The following GRB10 variants were observed in gnomAD, a reference collection of about 807,000 sequenced individuals.
GRB10 encodes the protein growth factor receptor bound protein 10, also known as growth factor receptor-bound protein 10.
In GRB10, 20 loss-of-function variants were observed where a neutral mutation model predicts 80.9. The observed-to-expected ratio is 0.25, with a 90% CI of 0.17 to 0.36. The LOEUF is 0.36. GRB10 is among the 10% of genes least tolerant of loss of function. The pLI is 1.00. For synonymous variants in GRB10, 291 were observed against 291.5 expected, an observed-to-expected ratio of 1.00 and a Z score of 0.02; for missense variants, 548 against 747.7, an observed-to-expected ratio of 0.73 and a Z score of 3.12.
intron 7 of GRB10, among the ~76,000 whole-genome samples, chr7:50,668,064 T>A (rs1340352367): frequency 6.6e-6 from 1 of 152,198 alleles, no homozygotes; most frequent in Admixed American, 6.5e-5. Context: ...ACTTTAGACA[T>A]GTGACAAAGT....
chr7:50,745,147 G>A (rs2072670838), intron 3 of GRB10, among the ~76,000 whole-genome samples: 1 of 151,790 alleles, frequency 6.6e-6, no homozygotes, highest in Non-Finnish European at 1.5e-5. Flanking sequence ...AGTAATTACT[G>A]AAAAAAACTC....
chr7:50,599,957 A>G (rs1359155393), intron 17 of GRB10, among the ~76,000 whole-genome samples: 1 of 152,162 alleles, frequency 6.6e-6, no homozygotes, highest in Admixed American at 6.5e-5. Context: ...CAAGGTTCAG[A>G]AACATCTTCG....
chr7:50,640,437 C>T (rs1049240573), intron 7 of GRB10, among the ~76,000 whole-genome samples: 8 of 152,180 alleles, frequency 5.3e-5, no homozygotes, highest in African/African-American at 1.9e-4. Flanking sequence ...CTGGAGACAC[C>T]ATGACACCAC....
intron 5 of GRB10, among the ~76,000 whole-genome samples, chr7:50,693,343 A>G (rs1381986157): frequency 6.6e-6 from 1 of 152,190 alleles, no homozygotes; most frequent in African/African-American, 2.4e-5. Flanking sequence ...GAAATAGTCC[A>G]TTCTCCAATC....
intron 7 of GRB10, among the ~76,000 whole-genome samples, chr7:50,634,371 C>T (rs1005020551): frequency 6.6e-6 from 1 of 152,002 alleles, no homozygotes; most frequent in Non-Finnish European, 1.5e-5. Context: ...TAGACAAATC[C>T]TACAAAAAAA....
At chr7:50,625,437 C>T (rs566832855) in intron 8 of GRB10, among the ~76,000 whole-genome samples, 1 of 152,142 alleles carries the variant, frequency 6.6e-6, no homozygotes, top group East Asian at 1.9e-4. Context: ...GAGACACATG[C>T]TGAAGGTTTC....
intron 2 of GRB10, among the ~76,000 whole-genome samples, chr7:50,777,147 T>A (rs2077743335): frequency 6.6e-6 from 1 of 152,214 alleles, no homozygotes; most frequent in South Asian, 2.1e-4. Context: ...ATCAAGGCAC[T>A]GGGGTTCAGT....
intron 7 of GRB10, among the ~76,000 whole-genome samples, chr7:50,656,824 T>G (rs2058700533): frequency 6.6e-6 from 1 of 152,202 alleles, no homozygotes; most frequent in Non-Finnish European, 1.5e-5. Context: ...GTAATCAACA[T>G]AAGCAGGTCT....
chr7:50,640,411 G>T (rs1586165709), intron 7 of GRB10, among the ~76,000 whole-genome samples: 2 of 152,310 alleles, frequency 1.3e-5, no homozygotes, highest in African/African-American at 4.8e-5. Context: ...CATCATGGAG[G>T]AAGCCTGTGG....
chr7:50,597,076 A>G (rs1335019732), intron 17 of GRB10, among the ~76,000 whole-genome samples: 2 of 152,250 alleles, frequency 1.3e-5, no homozygotes, highest in Admixed American at 1.3e-4. Flanking sequence ...AAGCAGTTAA[A>G]TAAGACTGGA....
At chr7:50,790,238 A>G (rs2078855520) in intron 1 of GRB10, among the ~76,000 whole-genome samples, 1 of 152,246 alleles carries the variant, frequency 6.6e-6, no homozygotes, top group Non-Finnish European at 1.5e-5. Context: ...TACCCCTAAT[A>G]GTATGCAAAC....
intron 7 of GRB10, among the ~76,000 whole-genome samples, chr7:50,657,194 G>T (rs192069747): frequency 8.0e-4 from 122 of 152,266 alleles, no homozygotes; most frequent in Non-Finnish European, 1.9e-4. Flanking sequence ...ATAAAATGCC[G>T]AGGGGCCAGG....
chr7:50,762,838 C>T (rs796184920), intron 2 of GRB10, among the ~76,000 whole-genome samples: 1 of 152,208 alleles, frequency 6.6e-6, no homozygotes, highest in Non-Finnish European at 1.5e-5. Context: ...AAAAAGCCGG[C>T]GGGGCGCAGT....
chr7:50,599,342 C>T (rs923504943), intron 17 of GRB10, among the ~76,000 whole-genome samples: 2 of 152,154 alleles, frequency 1.3e-5, no homozygotes, highest in Non-Finnish European at 2.9e-5. Context: ...TGCTGTTTTT[C>T]GAGGTGGTTT....
chr7:50,681,226 G>A (rs1446198161), intron 5 of GRB10, among the ~76,000 whole-genome samples: 1 of 152,202 alleles, frequency 6.6e-6, no homozygotes, highest in Non-Finnish European at 1.5e-5. Flanking sequence ...CTCATGAGCT[G>A]CCTGGCAGGG....
chr7:50,753,313 T>C (rs1220197819), intron 3 of GRB10, among the ~76,000 whole-genome samples: 1 of 152,196 alleles, frequency 6.6e-6, no homozygotes, highest in Non-Finnish European at 1.5e-5. Context: ...AAAACGTGAG[T>C]TCTTAACAGG....
At chr7:50,629,439 G>T (rs1192333462) in intron 7 of GRB10, among the ~76,000 whole-genome samples, 1 of 152,184 alleles carries the variant, frequency 6.6e-6, no homozygotes, top group African/African-American at 2.4e-5. Flanking sequence ...GCGAGACCCT[G>T]AGGGGGCAAG....
intron 6 of GRB10, among the ~76,000 whole-genome samples, chr7:50,672,519 G>A (rs986861840): frequency 6.6e-6 from 1 of 152,112 alleles, no homozygotes; most frequent in Non-Finnish European, 1.5e-5. Flanking sequence ...TTATCTGAGA[G>A]GACACCAGAG....
intron 5 of GRB10, among the ~76,000 whole-genome samples, chr7:50,702,035 C>A (rs2064306329): frequency 6.6e-6 from 1 of 152,084 alleles, no homozygotes; most frequent in African/African-American, 2.4e-5. Flanking sequence ...TTTTGTTTTT[C>A]TTTTCCTGCC....
Sources: allele counts gnomAD v4.1 joint callset (sites outside exome capture counted in the v4.1 genomes callset), GRCh38; gene constraint gnomAD v4.1.1; transcripts MANE v1.5; gene names NCBI Gene and HGNC (gene_info 2026-07-23, HGNC 2026-07-21).